PRELID2: variants seen among roughly 807,000 people sequenced by gnomAD.
The protein encoded by PRELID2 is PRELI domain containing 2.
In PRELID2, 25 loss-of-function variants were observed where a neutral mutation model predicts 28.4. The observed-to-expected ratio is 0.88, with a 90% confidence interval of 0.64 to 1.23. The LOEUF (loss-of-function observed/expected upper bound fraction) is 1.23, where lower values mean the gene tolerates loss of function less well. PRELID2 is among the 50% of genes most tolerant of loss of function. PRELID2 has a pLI of 0.00. For missense variants in PRELID2, 201 were observed against 214.4 expected (o/e 0.94, Z 0.39); for synonymous variants, 76 against 71.6 (o/e 1.06, Z -0.31).
At chr5:145,788,015 C>T (rs1367535834) in intron 5 of PRELID2, among the ~76,000 whole-genome samples, 1 of 152,088 alleles carries the variant, frequency 6.6e-6, no homozygotes, top group African/African-American at 2.4e-5. Context: ...CTAAGGAAAG[C>T]CCTCCCAAAC....
the PRELID2 span, among the ~76,000 whole-genome samples, chr5:145,324,314 A>T: frequency 6.6e-6 from 1 of 152,174 alleles, no homozygotes; most frequent in Non-Finnish European, 1.5e-5. Context: ...ATGTCCAAAA[A>T]TGCAGAGGCA....
Position 145,613,194 on chromosome 5 carries a change from G to A in PRELID2, n.71-139879C>T, listed in dbSNP as rs190533070. Among the ~76,000 whole-genome samples, 68 of 152,008 alleles carry A rather than the reference G, an allele frequency of 4.5e-4. No homozygotes were observed. In the East Asian group the frequency reaches 0.01, roughly 23 times the overall value. ...ATGCTTGCAGGAGTGAGGTAGTATC[G>A]CATTGTGGTTTTGATTTGCATTTCC... is the stretch of plus-strand genomic sequence containing the variant. On this transcript the variant is annotated intron_variant and non_coding_transcript_variant, in intron 1 of 2. Transcript: ENST00000510259.
In PRELID2 at chr5:145,807,298, C is replaced by G. The variant is rs533188630; in HGVS notation, c.368+10596G>C. ...CTTATGTCATCGAATGCTCTCTTAGCTAAACATGATTGTTTCTAGCTCAAT... is the reference window on the plus strand; with the variant it reads ...CTTATGTCATCGAATGCTCTCTTAGGTAAACATGATTGTTTCTAGCTCAAT... On this transcript the variant is annotated intron_variant, in intron 4 of 6. Transcript: ENST00000683046. Among the ~76,000 whole-genome samples, 17 of 152,272 alleles carry G rather than the reference C, an allele frequency of 1.1e-4. No individual in the cohort carries two copies. The South Asian group carries it at 3.5e-3, about 32-fold the overall frequency.
At chr5:145,788,625 C>T (rs1752161982) in intron 5 of PRELID2, among the ~76,000 whole-genome samples, 1 of 152,112 alleles carries the variant, frequency 6.6e-6, no homozygotes, top group Non-Finnish European at 1.5e-5. Flanking sequence ...CCCACTCTCG[C>T]CACTTCTATT....
chr5:145,259,660 T>C, the PRELID2 span, among the ~76,000 whole-genome samples: 4 of 152,184 alleles, frequency 2.6e-5, no homozygotes, highest in Non-Finnish European at 5.9e-5. Context: ...GTTCCCCCAT[T>C]GTATCTTGGT....
At chr5:145,629,602 C>T (rs537092926) in intron 1 of PRELID2, among the ~76,000 whole-genome samples, 1 of 152,184 alleles carries the variant, frequency 6.6e-6, no homozygotes, top group South Asian at 2.1e-4. Flanking sequence ...TTAATATGTG[C>T]CAGGCACTTT....
chr5:145,469,475 G>T (rs1252289343), downstream of PRELID2, among the ~76,000 whole-genome samples: 1 of 152,028 alleles, frequency 6.6e-6, no homozygotes, highest in Non-Finnish European at 1.5e-5. Flanking sequence ...CACCTTATAT[G>T]AAAGAATAAT....
At chr5:145,362,766 C>A in the PRELID2 span, among the ~76,000 whole-genome samples, 1 of 152,014 alleles carries the variant, frequency 6.6e-6, no homozygotes, top group African/African-American at 2.4e-5. Flanking sequence ...AGTAACAAAT[C>A]CTGGCCAAAA....
intron 5 of PRELID2, among the ~76,000 whole-genome samples, chr5:145,768,145 A>G (rs964785123): frequency 1.3e-5 from 2 of 148,376 alleles, no homozygotes; most frequent in Admixed American, 6.9e-5. Context: ...GAATTGCTTG[A>G]ACCAGGGAGG....
At chr5:145,327,425 A>G in the PRELID2 span, among the ~76,000 whole-genome samples, 1 of 152,110 alleles carries the variant, frequency 6.6e-6, no homozygotes, top group Admixed American at 6.6e-5. Context: ...CGATATAATT[A>G]AAGCCACTTC....
intron 1 of PRELID2, among the ~76,000 whole-genome samples, chr5:145,487,361 T>G (rs1471288482): frequency 1.3e-5 from 2 of 152,140 alleles, no homozygotes; most frequent in Non-Finnish European, 2.9e-5. Context: ...TAGAACTCTG[T>G]AAAGTTGTAA....
At chr5:145,274,734 G>A in the PRELID2 span, among the ~76,000 whole-genome samples, 2 of 152,150 alleles carry the variant, frequency 1.3e-5, no homozygotes, top group African/African-American at 4.8e-5. Flanking sequence ...AGCATAGTTT[G>A]ACACAAGGAA....
chr5:145,620,731 T>C (rs972133659), intron 1 of PRELID2, among the ~76,000 whole-genome samples: 9 of 125,868 alleles, frequency 7.2e-5, no homozygotes, highest in Admixed American at 2.6e-4. Flanking sequence ...CCCAGCTACG[T>C]GGGTGGCTAA....
chr5:145,354,808 C>A, the PRELID2 span, among the ~76,000 whole-genome samples: 1 of 152,072 alleles, frequency 6.6e-6, no homozygotes, highest in Non-Finnish European at 1.5e-5. Flanking sequence ...TTTCATTATG[C>A]CACTTAGGGC....
At chr5:145,696,156 C>CTTTTTTTTTTTTTTTT (rs10591669) in intron 1 of PRELID2, among the ~76,000 whole-genome samples, 8 of 60,006 alleles carry the variant, frequency 1.3e-4, no homozygotes, top group Non-Finnish European at 1.8e-4. Context: ...TAAATAATAG[C>CTTTTTTTTTTTTTTTT]TTTTTTTTTT....
At chr5:145,586,166 G>A (rs1325843028) in intron 1 of PRELID2, among the ~76,000 whole-genome samples, 1 of 152,098 alleles carries the variant, frequency 6.6e-6, no homozygotes, top group Non-Finnish European at 1.5e-5. Flanking sequence ...CAAATTGACA[G>A]TGCTCACCCT....
At chr5:145,527,242 C>A (rs1190676845) in intron 1 of PRELID2, among the ~76,000 whole-genome samples, 1 of 152,122 alleles carries the variant, frequency 6.6e-6, no homozygotes, top group Non-Finnish European at 1.5e-5. Flanking sequence ...TCATATAAAA[C>A]TAAATTCACA....
At chr5:145,487,267 G>A (rs915901346) in intron 1 of PRELID2, among the ~76,000 whole-genome samples, 6 of 151,850 alleles carry the variant, frequency 4.0e-5, no homozygotes, top group Admixed American at 3.9e-4. Flanking sequence ...TAAGTCGTCA[G>A]GGGGCCACAG....
At chr5:145,276,482 G>A in the PRELID2 span, among the ~76,000 whole-genome samples, 12 of 152,144 alleles carry the variant, frequency 7.9e-5, no homozygotes, top group African/African-American at 1.2e-4. Context: ...TCAAATATTG[G>A]TACTCTCTGA....
Sources: allele counts gnomAD v4.1 joint callset (sites outside exome capture counted in the v4.1 genomes callset), GRCh38; gene constraint gnomAD v4.1.1; transcripts MANE v1.5; gene names NCBI Gene and HGNC (gene_info 2026-07-23, HGNC 2026-07-21).